The following VAV3 variants were observed in gnomAD, a reference collection of about 807,000 sequenced individuals.
VAV3 encodes the protein guanine nucleotide exchange factor VAV3.
Under a neutral mutation model 131.2 loss-of-function variants are expected in VAV3, and 94 were observed. The observed-to-expected ratio is 0.72, with a 90% confidence interval of 0.61 to 0.85. The LOEUF (loss-of-function observed/expected upper bound fraction) is 0.85. VAV3 is among the 40% of genes least tolerant of loss of function. The probability of loss-of-function intolerance (pLI) is 0.00; values close to 1 mark genes in which losing one functional copy is unlikely to be tolerated. For missense variants in VAV3, 939 were observed against 1,002.7 expected, an observed-to-expected ratio of 0.94 and a Z score of 0.86; for synonymous variants, 349 against 342.0, an observed-to-expected ratio of 1.02 and a Z score of -0.22.
chr1:107,632,102 A>G (rs1325492857), intron 20 of VAV3, among the ~76,000 whole-genome samples: 1 of 152,158 alleles, frequency 6.6e-6, no homozygotes, highest in African/African-American at 2.4e-5. Flanking sequence ...CAACAGTGTA[A>G]AAGTGTAACA....
chr1:107,795,871 G>C (rs939848443), intron 2 of VAV3, among the ~76,000 whole-genome samples: 8 of 152,160 alleles, frequency 5.3e-5, no homozygotes, highest in Non-Finnish European at 7.3e-5. Context: ...AAAGTGCTGA[G>C]CTTATTAGAA....
intron 2 of VAV3, among the ~76,000 whole-genome samples, chr1:107,863,135 C>T (rs1007334983): frequency 1.1e-4 from 16 of 152,132 alleles, no homozygotes; most frequent in Non-Finnish European, 2.4e-4. Context: ...GTTATATTTG[C>T]TCTTGCTCCA....
chr1:107,740,815 A>G (rs1037951610), intron 15 of VAV3, among the ~76,000 whole-genome samples: 2 of 152,210 alleles, frequency 1.3e-5, no homozygotes, highest in African/African-American at 4.8e-5. Flanking sequence ...ATTTATGTGA[A>G]TCTATGGCTG....
chr1:107,659,785 T>C (rs1410679587), intron 19 of VAV3, among the ~76,000 whole-genome samples: 1 of 152,162 alleles, frequency 6.6e-6, no homozygotes, highest in Admixed American at 6.6e-5. Context: ...TTTTTATACA[T>C]GAGTTAAAAC....
chr1:107,902,783 TA>T (rs909176416), intron 1 of VAV3, among the ~76,000 whole-genome samples: 16 of 151,014 alleles, frequency 1.1e-4, no homozygotes, highest in Admixed American at 2.6e-4. Context: ...ATTAAAGAAT[TA>T]AAAAAAAAGC....
intron 2 of VAV3, among the ~76,000 whole-genome samples, chr1:107,781,720 A>G (rs957372291): frequency 9.9e-5 from 15 of 152,170 alleles, no homozygotes; most frequent in African/African-American, 3.4e-4. Flanking sequence ...AGAAAATACA[A>G]TTGAAACCCT....
chr1:107,656,015 T>C (rs1656524722), intron 19 of VAV3, among the ~76,000 whole-genome samples: 1 of 152,082 alleles, frequency 6.6e-6, no homozygotes, highest in Non-Finnish European at 1.5e-5. Flanking sequence ...TGCTAATTAG[T>C]ACAGCCCCTA....
chr1:107,664,801 T>A (rs1657297135), intron 19 of VAV3, among the ~76,000 whole-genome samples: 1 of 152,124 alleles, frequency 6.6e-6, no homozygotes. Context: ...GAAGAGGGAA[T>A]ACTGGAATTA....
Position 107,874,968 on chromosome 1 carries a change from G to T in VAV3, c.254C>A (p.Thr85Lys). The T allele has an allele frequency of 1.9e-6, 3 of 1,613,286 alleles. No homozygotes were observed. The highest frequency in any genetic ancestry group is 2.5e-6 in the Non-Finnish European group (3 of 1,179,520). The change falls in exon 2 of 27, where the codon ACG (threonine) becomes AAG (lysine). Residue 85 changes from threonine (T) to lysine (K), a missense_variant. Transcript: ENST00000370056. ...AAGTTCACTTTTCCTCATTCCAAAC[G>T]TCTCACAACAGGCCGTGAGAAATGT... ...IRTFLTACCETFGMRKSELFE... is the reference protein window; with the variant it reads ...IRTFLTACCEKFGMRKSELFE...
At position 107,595,555 on chromosome 1, in the gene VAV3, A is replaced by AT. The variant is rs562931364; in HGVS notation, c.2350+656dup. Among the ~76,000 whole-genome samples the AT allele has an allele frequency of 2.0e-3, 304 of 152,242 alleles. 2 individuals are homozygous for AT. The highest frequency in any genetic ancestry group is 3.5e-3 in the Non-Finnish European group (239 of 67,986). ...CACACCTTCTTGATGACATTTTTCA[A>AT]TTTTTTTGTTACATGCTCTATCTCC... On this transcript the variant is annotated intron_variant, in intron 25 of 26. Transcript: ENST00000370056.
At position 107,717,467 on chromosome 1, in the gene VAV3, C is replaced by G. The variant is rs549716649; in HGVS notation, c.1503-12406G>C. On this transcript the variant is annotated intron_variant, in intron 15 of 26. Transcript: ENST00000370056. ...TGTTCTCATTGGTTTCAAAGAACAT[C>G]TTTATTTCTGCCTTCAGTTTCTAAT... Among the ~76,000 whole-genome samples, 607 of 152,282 alleles carry G rather than the reference C, an allele frequency of 4.0e-3. 12 individuals are homozygous for G. The highest frequency in any genetic ancestry group is 3.3e-3 in the Non-Finnish European group (225 of 68,030).
At chr1:107,795,407 G>T (rs1254938804) in intron 2 of VAV3, among the ~76,000 whole-genome samples, 2 of 152,142 alleles carry the variant, frequency 1.3e-5, no homozygotes, top group Non-Finnish European at 2.9e-5. Context: ...AACCAGGGTA[G>T]ATCTACCTTA....
At chr1:107,751,795 T>C (rs1281342254) in intron 12 of VAV3, among the ~76,000 whole-genome samples, 6 of 152,226 alleles carry the variant, frequency 3.9e-5, no homozygotes, top group Non-Finnish European at 8.8e-5. Flanking sequence ...CAGAGGCTGA[T>C]AACTAAATTA....
chr1:107,838,052 C>G (rs1237551907), intron 2 of VAV3, among the ~76,000 whole-genome samples: 1 of 152,050 alleles, frequency 6.6e-6, no homozygotes, highest in African/African-American at 2.4e-5. Flanking sequence ...CCTAATTAAC[C>G]TAAAGAGCTT....
chr1:107,646,383 TAC>T (rs1655737437), intron 19 of VAV3, among the ~76,000 whole-genome samples: 1 of 152,068 alleles, frequency 6.6e-6, no homozygotes, highest in African/African-American at 2.4e-5. Flanking sequence ...TTAGCTGAGT[TAC>T]AGTGTTGCTC....
At chr1:107,910,211 A>T (rs1020094159) in intron 1 of VAV3, among the ~76,000 whole-genome samples, 2 of 152,234 alleles carry the variant, frequency 1.3e-5, no homozygotes, top group African/African-American at 2.4e-5. Flanking sequence ...TCTAATTCCA[A>T]GGCCTTACCA....
intron 19 of VAV3, among the ~76,000 whole-genome samples, chr1:107,648,683 CTTAT>C (rs1036275457): frequency 1.1e-4 from 16 of 152,028 alleles, no homozygotes; most frequent in African/African-American, 2.4e-4. Context: ...GTCTAACCAC[CTTAT>C]TTGTCACATT....
chr1:107,620,795 A>G (rs1470494272), intron 20 of VAV3, among the ~76,000 whole-genome samples: 1 of 152,146 alleles, frequency 6.6e-6, no homozygotes, highest in African/African-American at 2.4e-5. Flanking sequence ...AAAAGAGATG[A>G]ATTTTTTAGC....
chr1:107,637,146 C>T (rs892775705), intron 20 of VAV3, among the ~76,000 whole-genome samples: 4 of 151,788 alleles, frequency 2.6e-5, no homozygotes, highest in African/African-American at 9.7e-5. Flanking sequence ...GATAATACAA[C>T]CACAGATTCT....
Sources: allele counts gnomAD v4.1 joint callset (sites outside exome capture counted in the v4.1 genomes callset), GRCh38; gene constraint gnomAD v4.1.1; transcripts MANE v1.5; gene names NCBI Gene and HGNC (gene_info 2026-07-23, HGNC 2026-07-21).